The following RGS12 variants were observed in gnomAD, a reference collection of about 807,000 sequenced individuals.
RGS12 encodes the protein regulator of G protein signaling 12, also known as regulator of G-protein signaling 12.
RGS12 carries 66 observed loss-of-function variants against 120.1 expected under a neutral mutation model. The observed-to-expected ratio is 0.55, with a 90% CI of 0.45 to 0.67. RGS12 has a LOEUF of 0.67. RGS12 is among the 30% of genes least tolerant of loss of function. RGS12 has a pLI of 0.00. For missense variants in RGS12, 1,859 were observed against 1,957.7 expected (o/e 0.95, Z 0.95); for synonymous variants, 827 against 804.7 (o/e 1.03, Z -0.47).
intron 13 of RGS12, chr4:3,423,870 A>G (rs1463817693): frequency 1.9e-6 from 1 of 515,876 alleles, no homozygotes; most frequent in Non-Finnish European, 3.3e-6. Context: ...AAGAATTGAT[A>G]TTTGAGAGGT....
intron 4 of RGS12, among the ~76,000 whole-genome samples, chr4:3,394,797 G>A (rs1204909283): frequency 3.3e-5 from 5 of 152,072 alleles, no homozygotes; most frequent in Non-Finnish European, 5.9e-5. Flanking sequence ...CAGCCCAAGC[G>A]CCCCTGCAGG....
chr4:3,333,369 C>G (rs552219283), intron 2 of RGS12, among the ~76,000 whole-genome samples: 1 of 152,164 alleles, frequency 6.6e-6, no homozygotes, highest in African/African-American at 2.4e-5. Context: ...CTCTTGACCT[C>G]AAGTGATCCT....
intron 4 of RGS12, among the ~76,000 whole-genome samples, chr4:3,387,125 G>A (rs1455293399): frequency 1.3e-5 from 2 of 152,100 alleles, no homozygotes; most frequent in South Asian, 2.1e-4. Flanking sequence ...GCAGGCTCTC[G>A]GGTTTCATCG....
chr4:3,406,000 C>T (rs1049298498), intron 4 of RGS12, among the ~76,000 whole-genome samples: 11 of 152,060 alleles, frequency 7.2e-5, no homozygotes, highest in Admixed American at 2.6e-4. Flanking sequence ...TCTCGGTGCT[C>T]GTATGTCCCG....
At chr4:3,306,710 G>C (rs905218949) in intron 1 of RGS12, among the ~76,000 whole-genome samples, 1 of 152,216 alleles carries the variant, frequency 6.6e-6, no homozygotes, top group Non-Finnish European at 1.5e-5. Context: ...GGAGCAGAGA[G>C]TGGTCCCGGG....
At chr4:3,431,216 G>C in intron 17 of RGS12, 5 of 1,349,266 alleles carry the variant, frequency 3.7e-6, no homozygotes, top group Non-Finnish European at 4.7e-6. Context: ...TTGCAGGAAT[G>C]ATACGTGGCA....
chr4:3,371,371 G>A (rs749685069), intron 3 of RGS12, among the ~76,000 whole-genome samples: 8 of 152,220 alleles, frequency 5.3e-5, no homozygotes, highest in African/African-American at 1.7e-4. Context: ...TGGAGCTGTC[G>A]TGGGTTTAAT....
In RGS12 at chr4:3,417,500, G is replaced by A; in HGVS notation, c.2720G>A (p.Gly907Glu). 1 of 1,613,366 alleles carries A rather than the reference G, an allele frequency of 6.2e-7. No homozygotes were observed. Among genetic ancestry groups the A allele is most frequent in the Non-Finnish European group, 8.5e-7 (1 of 1,179,966 alleles). ...TCGTGGTCGCGGACCAGGAGCACCG[G>A]GAGGTCCCAGAAAAAGAGGGAGCAC... Reference protein sequence around the residue: ...FFSWSRTRSTGRSQKKREHGD... With the variant: ...FFSWSRTRSTERSQKKREHGD... The change falls in exon 9 of 18, where the codon GGG becomes GAG. Residue 907 changes from glycine (G) to glutamate (E), a missense_variant. By Grantham distance (98) the Gly-to-Glu change is moderately conservative (BLOSUM62 -2). Around this residue, in one of 3 missense-constraint regions of RGS12, gnomAD observed 375 missense variants for 475.0 expected, o/e 0.79. Transcript: ENST00000336727.
chr4:3,426,789 C>T (rs1723703883), intron 14 of RGS12: 1 of 152,190 alleles, frequency 6.6e-6, no homozygotes, highest in South Asian at 2.1e-4. Flanking sequence ...CAGGGACAGG[C>T]AGAGGCGTGG....
At chr4:3,338,511 C>T (rs577299017) in intron 2 of RGS12, among the ~76,000 whole-genome samples, 66 of 152,344 alleles carry the variant, frequency 4.3e-4, no homozygotes, top group South Asian at 2.7e-3. Context: ...GCCGGTTGAC[C>T]GGCCGTCCCT....
At chr4:3,356,759 A>G (rs1423950179) in intron 3 of RGS12, among the ~76,000 whole-genome samples, 1 of 152,164 alleles carries the variant, frequency 6.6e-6, no homozygotes, top group East Asian at 1.9e-4. Context: ...ATTCTACTGT[A>G]TGGATATACT....
At chr4:3,380,686 C>T (rs1718170634) in intron 3 of RGS12, among the ~76,000 whole-genome samples, 1 of 152,232 alleles carries the variant, frequency 6.6e-6, no homozygotes, top group African/African-American at 2.4e-5. Flanking sequence ...GGCCTGAGCT[C>T]TACGTTAGCC....
intron 1 of RGS12, among the ~76,000 whole-genome samples, chr4:3,310,156 G>T (rs58212658): frequency 9.1e-5 from 8 of 87,848 alleles, no homozygotes; most frequent in African/African-American, 1.4e-4. Context: ...GCAGGTGTCT[G>T]CTGAGGGGAA....
At chr4:3,406,383 G>A (rs575592477) in intron 4 of RGS12, among the ~76,000 whole-genome samples, 1 of 152,252 alleles carries the variant, frequency 6.6e-6, no homozygotes, top group Non-Finnish European at 1.5e-5. Flanking sequence ...CTTGGAAAAT[G>A]TGGAGCTTGA....
At chr4:3,298,467 C>T (rs571912901) in intron 1 of RGS12, among the ~76,000 whole-genome samples, 1 of 152,180 alleles carries the variant, frequency 6.6e-6, no homozygotes, top group Non-Finnish European at 1.5e-5. Context: ...CCCCCTGCCT[C>T]AACCTCCTGA....
chr4:3,428,503 A>T, intron 15 of RGS12, 55 bp from the exon 16 acceptor site: 1 of 1,415,450 alleles, frequency 7.1e-7, no homozygotes, highest in Non-Finnish European at 9.7e-7. Context: ...CTAATGAATG[A>T]TGTATTGTCG....
intron 2 of RGS12, among the ~76,000 whole-genome samples, chr4:3,336,587 TG>T (rs1435036954): frequency 6.6e-6 from 1 of 151,894 alleles, no homozygotes; most frequent in Non-Finnish European, 1.5e-5. Context: ...GTGGGAGGGG[TG>T]GGGGTGTAGT....
chr4:3,327,948 A>G (rs1370930377), intron 2 of RGS12, among the ~76,000 whole-genome samples: 2 of 152,254 alleles, frequency 1.3e-5, no homozygotes. Flanking sequence ...TCTTCTGTTT[A>G]TTGCAGCACT....
chr4:3,318,028 C>A lies in RGS12; in HGVS notation c.1858C>A (p.Arg620=), dbSNP rs776585373. 5.6e-6 allele frequency: 9 copies of A among 1,598,498 alleles called. No individual in the cohort carries two copies. Among genetic ancestry groups the A allele is most frequent in the Non-Finnish European group, 2.6e-6 (3 of 1,171,458 alleles). The change falls in exon 2 of 18, where the codon CGA becomes AGA. Residue 620 remains arginine (R), a synonymous_variant. Coordinates refer to ENST00000336727, the MANE Select transcript of RGS12 (RefSeq NM_001394154.1). ...QSIFGPHRNV[R]KTKEDKKGSK... is the part of the protein sequence containing the mutation. ...CATTTTTGGTCCCCATCGAAATGTT[C>A]GAAAGACTAAGGAAGATAAAAAGGT...
Sources: gnomAD v4.1 joint callset for allele counts (sites outside exome capture counted in the v4.1 genomes callset) on GRCh38, gnomAD v4.1.1 for gene constraint, gnomAD v4.1.1 regional missense constraint, MANE v1.5 for transcripts, NCBI Gene and HGNC (gene_info 2026-07-23, HGNC 2026-07-21) for gene names.